DIP2B: variants seen among roughly 807,000 people sequenced by gnomAD.
The protein encoded by DIP2B is DIP2 acetate--CoA ligase B (putative).
DIP2B carries 76 observed loss-of-function variants against 198.0 expected under a neutral mutation model. The ratio of observed to expected loss-of-function variants is 0.38; its 90% CI spans 0.32 to 0.46. DIP2B has a LOEUF of 0.46. Among genes scored for constraint, DIP2B ranks in the 20% least tolerant of loss-of-function variants. DIP2B has a pLI of 0.99. For synonymous variants in DIP2B, 701 were observed against 739.1 expected (o/e 0.95, Z 0.84); for missense variants, 1,559 against 1,978.4 (o/e 0.79, Z 4.02).
At chr12:50,671,732 T>A (rs2139524546) in intron 5 of DIP2B, among the ~76,000 whole-genome samples, 1 of 152,374 alleles carries the variant, frequency 6.6e-6, no homozygotes, top group Non-Finnish European at 1.5e-5. Flanking sequence ...TTAAAATATG[T>A]AACATCTTAG....
intron 19 of DIP2B, among the ~76,000 whole-genome samples, chr12:50,701,202 A>G (rs1309409705): frequency 3.3e-5 from 5 of 152,228 alleles, no homozygotes; most frequent in African/African-American, 7.2e-5. Flanking sequence ...GTGATAGTGA[A>G]GTAGAATAAA....
chr12:50,623,612 C>G (rs1565848719), intron 1 of DIP2B, among the ~76,000 whole-genome samples: 2 of 152,004 alleles, frequency 1.3e-5, no homozygotes, highest in Non-Finnish European at 2.9e-5. Flanking sequence ...TGTGTATATG[C>G]AAACATACCT....
At chr12:50,701,285 C>G (rs1939411905) in intron 19 of DIP2B, among the ~76,000 whole-genome samples, 1 of 152,226 alleles carries the variant, frequency 6.6e-6, no homozygotes, top group Non-Finnish European at 1.5e-5. Flanking sequence ...TTCTTACTGG[C>G]TTCTTAAATT....
intron 37 of DIP2B, among the ~76,000 whole-genome samples, chr12:50,742,156 G>A (rs1940255678): frequency 6.6e-6 from 1 of 151,948 alleles, no homozygotes; most frequent in South Asian, 2.1e-4. Context: ...CCAGAACTTT[G>A]GGAGGCCAAG....
intron 1 of DIP2B, among the ~76,000 whole-genome samples, chr12:50,583,469 C>A (rs1958743319): frequency 6.6e-6 from 1 of 152,258 alleles, no homozygotes; most frequent in Admixed American, 6.5e-5. Context: ...CTGCTTTCCT[C>A]CCCCATCTGC....
chr12:50,709,501 G>A (rs187300821), intron 22 of DIP2B, among the ~76,000 whole-genome samples: 3 of 152,190 alleles, frequency 2.0e-5, no homozygotes, highest in African/African-American at 7.2e-5. Flanking sequence ...AACTGGGCGT[G>A]GTGGCAGGCA....
Position 50,686,556 on chromosome 12 carries a change from C to T in DIP2B, c.1442-17C>T. 1 of 1,612,734 alleles carries T rather than the reference C, an allele frequency of 6.2e-7. No homozygotes were observed. The highest frequency in any genetic ancestry group is 8.5e-7 in the Non-Finnish European group (1 of 1,179,178). ...GATGGCTTAGGCAATTCAATTTTCA[C>T]TTTGGGTTTGATTTAGGTTGGCCCC... On this transcript the variant is annotated splice_polypyrimidine_tract_variant and intron_variant, in intron 11 of 37. Transcript: ENST00000301180.
intron 1 of DIP2B, among the ~76,000 whole-genome samples, chr12:50,625,361 G>C (rs750022449): frequency 6.6e-6 from 1 of 152,108 alleles, no homozygotes; most frequent in Admixed American, 6.6e-5. Flanking sequence ...TGTTGTATAT[G>C]CACTAATTTG....
intron 1 of DIP2B, among the ~76,000 whole-genome samples, chr12:50,569,452 T>G (rs1338047386): frequency 6.6e-6 from 1 of 152,206 alleles, no homozygotes; most frequent in African/African-American, 2.4e-5. Context: ...TACCAAACAT[T>G]TGCAGGTGGA....
intron 1 of DIP2B, among the ~76,000 whole-genome samples, chr12:50,624,232 G>A (rs1937887190): frequency 1.3e-5 from 2 of 152,156 alleles, no homozygotes; most frequent in Non-Finnish European, 2.9e-5. Context: ...TTGATTAGCT[G>A]TCTCTTCTTG....
intron 1 of DIP2B, among the ~76,000 whole-genome samples, chr12:50,571,300 T>C (rs1378463894): frequency 2.0e-5 from 3 of 151,144 alleles, no homozygotes; most frequent in African/African-American, 7.3e-5. Flanking sequence ...GCCTCCCGAG[T>C]AGCTGGGACT....
intron 23 of DIP2B, among the ~76,000 whole-genome samples, chr12:50,718,086 G>C (rs183987347): frequency 6.0e-4 from 90 of 150,484 alleles, no homozygotes; most frequent in African/African-American, 2.1e-3. Context: ...TTTTAGTAGA[G>C]AAGGGATTTC....
intron 1 of DIP2B, among the ~76,000 whole-genome samples, chr12:50,593,697 TCTCCTCTCCC>T (rs1565836957): frequency 2.0e-5 from 2 of 97,716 alleles, no homozygotes; most frequent in Admixed American, 1.1e-4. Flanking sequence ...TCTTTTCTCC[TCTCCTCTCCC>T]CTCCTCTCCT....
chr12:50,724,896 A>G lies in DIP2B; in HGVS notation c.3400+10A>G, dbSNP rs1453322726. Reference sequence around the variant, plus strand: ...ACCATCATTGACACAGGTGAAAGGGAGACTTCTTCTGAGGGTGGAGGGACT... The same window carrying G: ...ACCATCATTGACACAGGTGAAAGGGGGACTTCTTCTGAGGGTGGAGGGACT... On this transcript the variant is annotated intron_variant, in intron 28 of 37. Coordinates refer to ENST00000301180, the MANE Select transcript of DIP2B (RefSeq NM_173602.3). The G allele has an allele frequency of 6.2e-7, 1 of 1,613,212 alleles. No individual in the cohort carries two copies. The highest frequency in any genetic ancestry group is 8.5e-7 in the Non-Finnish European group (1 of 1,179,306).
intron 37 of DIP2B, among the ~76,000 whole-genome samples, chr12:50,744,357 T>G (rs539305784): frequency 1.2e-4 from 18 of 152,196 alleles, no homozygotes; most frequent in African/African-American, 4.3e-4. Context: ...AACTCAGCTG[T>G]GTTCACAGGG....
At chr12:50,505,487 C>G (rs555222060) in intron 1 of DIP2B, among the ~76,000 whole-genome samples, 1 of 152,308 alleles carries the variant, frequency 6.6e-6, no homozygotes, top group South Asian at 2.1e-4. Context: ...CGGGCCCACA[C>G]TGCTTCTGCG....
At chr12:50,565,860 CT>C (rs1301826794) in intron 1 of DIP2B, among the ~76,000 whole-genome samples, 1 of 152,090 alleles carries the variant, frequency 6.6e-6, no homozygotes, top group African/African-American at 2.4e-5. Flanking sequence ...CTTTGGGGTC[CT>C]GTTAACTGCT....
chr12:50,679,747 A>G (rs187758219), intron 8 of DIP2B: 29 of 152,338 alleles, frequency 1.9e-4, no homozygotes, highest in African/African-American at 6.7e-4. Context: ...TTAGCTGGCC[A>G]AATCTTTGCA....
intron 1 of DIP2B, among the ~76,000 whole-genome samples, chr12:50,551,680 G>T (rs572835487): frequency 3.3e-5 from 5 of 152,312 alleles, no homozygotes; most frequent in African/African-American, 9.6e-5. Context: ...CTGAGCTCAC[G>T]TGATCTGCCC....
Sources: allele counts gnomAD v4.1 joint callset (sites outside exome capture counted in the v4.1 genomes callset), GRCh38; gene constraint gnomAD v4.1.1; transcripts MANE v1.5; gene names NCBI Gene and HGNC (gene_info 2026-07-23, HGNC 2026-07-21).